The following MB21D2 variants were observed in gnomAD, a reference collection of about 807,000 sequenced individuals.
MB21D2 encodes the protein Mab-21 domain containing 2, also known as nucleotidyltransferase MB21D2.
Under a neutral mutation model 33.3 loss-of-function variants are expected in MB21D2, and 9 were observed. The observed-to-expected ratio is 0.27, with a 90% confidence interval of 0.16 to 0.47. MB21D2 has a LOEUF of 0.47. Among genes scored for constraint, MB21D2 ranks in the 20% least tolerant of loss-of-function variants. The probability of loss-of-function intolerance (pLI) is 0.99; values close to 1 mark genes in which losing one functional copy is unlikely to be tolerated. For missense variants in MB21D2, 540 were observed against 624.6 expected (o/e 0.86, Z 1.44); for synonymous variants, 241 against 236.3 (o/e 1.02, Z -0.18).
intron 1 of MB21D2, among the ~76,000 whole-genome samples, chr3:192,844,119 T>C (rs1712630471): frequency 6.6e-6 from 1 of 152,208 alleles, no homozygotes; most frequent in South Asian, 2.1e-4. Flanking sequence ...CCTATCCTGA[T>C]CCACCTGAAT....
chr3:192,828,112 G>A (rs962510902), intron 1 of MB21D2, among the ~76,000 whole-genome samples: 10 of 152,102 alleles, frequency 6.6e-5, no homozygotes, highest in African/African-American at 2.2e-4. Flanking sequence ...ATGTGGAACT[G>A]TGAGTCCATT....
At chr3:192,890,355 A>C (rs1326541966) in intron 1 of MB21D2, among the ~76,000 whole-genome samples, 1 of 152,070 alleles carries the variant, frequency 6.6e-6, no homozygotes, top group Admixed American at 6.5e-5. Context: ...TTTTCAAGGC[A>C]ATATACTTAG....
intron 1 of MB21D2, among the ~76,000 whole-genome samples, chr3:192,871,134 G>A (rs914750816): frequency 6.6e-6 from 1 of 152,154 alleles, no homozygotes; most frequent in African/African-American, 2.4e-5. Context: ...CGGAACATGG[G>A]CATATTCACG....
chr3:192,878,658 T>C (rs889479131), intron 1 of MB21D2, among the ~76,000 whole-genome samples: 1 of 152,118 alleles, frequency 6.6e-6, no homozygotes, highest in African/African-American at 2.4e-5. Flanking sequence ...ATGCTAGCCA[T>C]GGGATGGGTG....
chr3:192,873,939 A>T (rs1175284559), intron 1 of MB21D2, among the ~76,000 whole-genome samples: 4 of 152,170 alleles, frequency 2.6e-5, no homozygotes, highest in African/African-American at 4.8e-5. Context: ...ACCTCAGGTG[A>T]TCTGCCCGCC....
intron 1 of MB21D2, among the ~76,000 whole-genome samples, chr3:192,890,406 C>T (rs1713825565): frequency 6.6e-6 from 1 of 151,748 alleles, no homozygotes; most frequent in African/African-American, 2.4e-5. Context: ...CTCAAGACAC[C>T]AAATAAACAA....
At chr3:192,906,093 T>C (rs1577203400) in intron 1 of MB21D2, among the ~76,000 whole-genome samples, 1 of 152,160 alleles carries the variant, frequency 6.6e-6, no homozygotes, top group Non-Finnish European at 1.5e-5. Flanking sequence ...TAGATAAAAA[T>C]AGAGGCTTAT....
At chr3:192,828,076 G>A (rs1025119887) in intron 1 of MB21D2, among the ~76,000 whole-genome samples, 14 of 151,934 alleles carry the variant, frequency 9.2e-5, no homozygotes, top group Admixed American at 6.6e-4. Context: ...TTTGCCTTCC[G>A]CCATGTTTGT....
chr3:192,884,676 T>C (rs184333216), intron 1 of MB21D2, among the ~76,000 whole-genome samples: 3,687 of 152,198 alleles, frequency 0.024, 76 homozygotes, highest in South Asian at 0.053. Flanking sequence ...CAGAGGTGCA[T>C]GTCTTGTTCC....
At chr3:192,876,242 T>C (rs1338507240) in intron 1 of MB21D2, among the ~76,000 whole-genome samples, 1 of 152,184 alleles carries the variant, frequency 6.6e-6, no homozygotes, top group African/African-American at 2.4e-5. Context: ...TGGCTCTCTG[T>C]AGTCCTTTTC....
intron 1 of MB21D2, among the ~76,000 whole-genome samples, chr3:192,862,083 A>G (rs1250619403): frequency 6.6e-6 from 1 of 152,238 alleles, no homozygotes; most frequent in African/African-American, 2.4e-5. Flanking sequence ...AAATGTTTCA[A>G]GAGTGTGCTT....
chr3:192,832,086 G>T (rs1712327594), intron 1 of MB21D2, among the ~76,000 whole-genome samples: 1 of 152,166 alleles, frequency 6.6e-6, no homozygotes, highest in African/African-American at 2.4e-5. Flanking sequence ...TTGAGCATAA[G>T]AAATCACTTG....
chr3:192,803,523 C>T (rs756134566), intron 1 of MB21D2, among the ~76,000 whole-genome samples: 15 of 152,184 alleles, frequency 9.9e-5, no homozygotes, highest in Non-Finnish European at 5.9e-5. Context: ...GCCCATTAGT[C>T]TGCAATTTTA....
chr3:192,900,210 G>A (rs746145507), intron 1 of MB21D2, among the ~76,000 whole-genome samples: 3 of 150,516 alleles, frequency 2.0e-5, no homozygotes, highest in Admixed American at 6.6e-5. Flanking sequence ...TGTGAACCCG[G>A]GAGGCGGAGC....
intron 1 of MB21D2, among the ~76,000 whole-genome samples, chr3:192,808,081 C>CA (rs1711705073): frequency 6.6e-6 from 1 of 152,118 alleles, no homozygotes; most frequent in South Asian, 2.1e-4. Context: ...AGGCTCTGGG[C>CA]ATTCTCTTTT....
At chr3:192,852,201 C>T (rs1318098087) in intron 1 of MB21D2, among the ~76,000 whole-genome samples, 1 of 152,214 alleles carries the variant, frequency 6.6e-6, no homozygotes, top group Non-Finnish European at 1.5e-5. Context: ...CCAGGATTCA[C>T]ACTCAGAGAC....
At chr3:192,824,984 G>A (rs1448381503) in intron 1 of MB21D2, among the ~76,000 whole-genome samples, 1 of 152,040 alleles carries the variant, frequency 6.6e-6, no homozygotes, top group Non-Finnish European at 1.5e-5. Flanking sequence ...TACATACCCC[G>A]AGTAGCTGTC....
chr3:192,817,948 C>A (rs1711962744), intron 1 of MB21D2, among the ~76,000 whole-genome samples: 1 of 149,774 alleles, frequency 6.7e-6, no homozygotes, highest in African/African-American at 2.5e-5. Context: ...TGGCCCCAGC[C>A]CCCAAACGGA....
intron 1 of MB21D2, among the ~76,000 whole-genome samples, chr3:192,800,335 TC>T (rs1396378399): frequency 1.3e-5 from 2 of 152,108 alleles, no homozygotes; most frequent in Non-Finnish European, 2.9e-5. Flanking sequence ...TACCTCGGCT[TC>T]CCCCAAGTGC....
Sources: allele counts gnomAD v4.1 joint callset (sites outside exome capture counted in the v4.1 genomes callset), GRCh38; gene constraint gnomAD v4.1.1; transcripts MANE v1.5; gene names NCBI Gene and HGNC (gene_info 2026-07-23, HGNC 2026-07-21).